The following FAM98A variants were observed in gnomAD, a reference collection of about 807,000 sequenced individuals.
The protein encoded by FAM98A is tRNA splicing ligase complex subunit 3A.
Under a neutral mutation model 62.9 loss-of-function variants are expected in FAM98A, and 25 were observed. That is an observed-to-expected ratio of 0.40 (90% CI 0.29 to 0.56). The LOEUF (loss-of-function observed/expected upper bound fraction) is 0.56. FAM98A is among the 20% of genes least tolerant of loss of function. The pLI is 0.51. For synonymous variants in FAM98A, 252 were observed against 228.6 expected (o/e 1.10, Z -0.92); for missense variants, 653 against 640.7 (o/e 1.02, Z -0.21).
At position 33,585,096 on chromosome 2, in the gene FAM98A, G is replaced by T. The variant is rs748538026; in HGVS notation, c.1237C>A (p.His413Asn). ...GFQPGGYHGG[H>N]SSGGYQGGGY... ...CCGCCTTGATAGCCACCACTGCTGT[G>T]GCCACCATGATAGCCACCTGGCTGG... The change falls in exon 8 of 8, where the codon CAC (histidine) becomes AAC (asparagine). Residue 413 changes from histidine to asparagine, a missense_variant. His to Asn is a moderately conservative substitution (Grantham distance 68). Transcript: ENST00000238823. The T allele has an allele frequency of 6.2e-7, 1 of 1,614,102 alleles. No homozygotes were observed. The highest frequency in any genetic ancestry group is 2.2e-5 in the East Asian group (1 of 44,880).
At position 33,584,312 on chromosome 2, in the gene FAM98A, C is replaced by T. The variant is rs1394851374; in HGVS notation, c.*464G>A. ...AAGTCAACCGGGGGGCAGAACTGTGCTTGGAAAATAGGCATTGGAATACTT... is the reference window on the plus strand; with the variant it reads ...AAGTCAACCGGGGGGCAGAACTGTGTTTGGAAAATAGGCATTGGAATACTT... On this transcript the variant is annotated 3_prime_UTR_variant, in exon 8 of 8. Coordinates refer to ENST00000238823, the MANE Select transcript of FAM98A (RefSeq NM_015475.5). 6.3e-6 allele frequency: 1 copy of T among 159,686 alleles called. No individual in the cohort carries two copies. Among genetic ancestry groups the T allele is most frequent in the Non-Finnish European group, 1.4e-5 (1 of 72,274 alleles). 9.9% of individuals were successfully genotyped at this position (159,686 alleles called of 1,614,324 possible).
At position 33,599,222 on chromosome 2, in the gene FAM98A, G is replaced by A. The variant is rs755373098; in HGVS notation, c.-1C>T. ...CAGTCTCCATGAGGTCACACTCCAT[G>A]CTACTGTGGTATTCAAATTTCCGAG... is the stretch of plus-strand genomic sequence containing the variant. On this transcript the variant is annotated 5_prime_UTR_variant, in exon 1 of 8. Coordinates refer to ENST00000238823, the MANE Select transcript of FAM98A (RefSeq NM_015475.5). 6 of 1,613,438 alleles carry A rather than the reference G, an allele frequency of 3.7e-6. No homozygotes were observed. The highest frequency in any genetic ancestry group is 5.1e-6 in the Non-Finnish European group (6 of 1,179,310).
chr2:33,593,686 G>A (rs1042433900), intron 2 of FAM98A, among the ~76,000 whole-genome samples: 13 of 152,188 alleles, frequency 8.5e-5, no homozygotes, highest in African/African-American at 2.9e-4. Flanking sequence ...TGTAATACAG[G>A]AAGCCTACAT....
Position 33,585,144 on chromosome 2 carries a change from C to T in FAM98A, c.1189G>A (p.Gly397Ser). The T allele has an allele frequency of 6.2e-7, 1 of 1,614,188 alleles. No individual in the cohort carries two copies. Among genetic ancestry groups the T allele is most frequent in the Non-Finnish European group, 8.5e-7 (1 of 1,180,034 alleles). ...GSGGGGGYQD[G>S]GYRDSGFQPG... ...TGGAAACCTGAATCTCGATAACCAC[C>T]ATCTTGGTAGCCACCTCCTCCACCA... is the stretch of plus-strand genomic sequence containing the variant. Residue 397 changes from glycine (G) to serine (S), a missense_variant, in exon 8 of 8, where the codon GGT (glycine) becomes AGT (serine). By Grantham distance (56) the Gly-to-Ser change is moderately conservative. Coordinates refer to ENST00000238823, the MANE Select transcript of FAM98A (RefSeq NM_015475.5).
intron 1 of FAM98A, among the ~76,000 whole-genome samples, chr2:33,598,181 G>GT (rs1677857061): frequency 6.6e-6 from 1 of 152,192 alleles, no homozygotes; most frequent in African/African-American, 2.4e-5. Context: ...TCCTCAAGGT[G>GT]TTTTTTCCTA....
intron 2 of FAM98A, among the ~76,000 whole-genome samples, chr2:33,594,315 G>GA (rs980945085): frequency 8.6e-5 from 13 of 150,812 alleles, no homozygotes; most frequent in African/African-American, 2.9e-4. Context: ...CACAGGAACA[G>GA]AAAAAAAACA....
At position 33,587,290 on chromosome 2, in the gene FAM98A, T is replaced by G. The variant is rs1351718000; in HGVS notation, c.553A>C (p.Asn185His). The G allele has an allele frequency of 3.1e-6, 5 of 1,613,328 alleles. No individual in the cohort carries two copies. The African/African-American group carries it at 6.7e-5, about 22-fold the overall frequency. ...LKETLAKVPP[N>H]HVGKPLLKKP... Reference sequence around the variant, plus strand: ...TTCAGTAAAGGCTTTCCCACATGATTAGGTGGAACTTTTGCTAATGTTTCC... The same window carrying G: ...TTCAGTAAAGGCTTTCCCACATGATGAGGTGGAACTTTTGCTAATGTTTCC... The change falls in exon 5 of 8, where the codon AAT becomes CAT. Residue 185 changes from asparagine to histidine, a missense_variant. Transcript: ENST00000238823.
At chr2:33,586,223 T>C (rs1002840304) in intron 6 of FAM98A, among the ~76,000 whole-genome samples, 8 of 152,212 alleles carry the variant, frequency 5.3e-5, no homozygotes, top group African/African-American at 1.9e-4. Flanking sequence ...ATTTCTAACT[T>C]CTATTAGCAA....
chr2:33,595,649 G>C lies in FAM98A; in HGVS notation c.54-12C>G, dbSNP rs751210762. On this transcript the variant is annotated splice_polypyrimidine_tract_variant and intron_variant, in intron 1 of 7. Transcript: ENST00000238823. The stretch of plus-strand genomic sequence containing the variant: ...ATGGGCCCTTGTAACTGGTGAGCAA[G>C]AAATTACATTTCAGAAGAAAATACA... The C allele has an allele frequency of 1.9e-6, 3 of 1,558,480 alleles. No individual in the cohort carries two copies. Among genetic ancestry groups the C allele is most frequent in the African/African-American group, 2.8e-5 (2 of 71,010 alleles).
intron 1 of FAM98A, among the ~76,000 whole-genome samples, chr2:33,598,407 G>C (rs938857803): frequency 6.6e-6 from 1 of 152,186 alleles, no homozygotes; most frequent in African/African-American, 2.4e-5. Context: ...ACTGATCTGG[G>C]TGACCCAGTG....
intron 3 of FAM98A, among the ~76,000 whole-genome samples, chr2:33,590,425 G>C (rs948766800): frequency 5.3e-5 from 8 of 152,130 alleles, no homozygotes; most frequent in Admixed American, 1.3e-4. Context: ...ATAGCATCCA[G>C]ATGTGACAAC....
chr2:33,595,630 C>A lies in FAM98A; in HGVS notation c.61G>T (p.Gly21Cys). 1 of 1,567,676 alleles carries A rather than the reference C, an allele frequency of 6.4e-7. No homozygotes were observed. Among genetic ancestry groups the A allele is most frequent in the Admixed American group, 2.1e-5 (1 of 48,040 alleles). Residue 21 changes from glycine (G) to cysteine (C), a missense_variant, in exon 2 of 8, where the codon GGC (glycine) becomes TGC (cysteine). Gly to Cys is a radical substitution (Grantham distance 159). Transcript: ENST00000238823. The stretch of plus-strand genomic sequence containing the variant: ...AGCGCTCCATCTTCCAACAATGGGC[C>A]CTTGTAACTGGTGAGCAAGAAATTA... ...LESLEDLGYK[G>C]PLLEDGALSQ...
intron 2 of FAM98A, 46 bp downstream of exon 2, chr2:33,595,443 C>G: frequency 1.3e-6 from 2 of 1,511,218 alleles, no homozygotes; most frequent in Non-Finnish European, 1.8e-6. Context: ...GACAATACCT[C>G]AATGTTATTT....
intron 2 of FAM98A, among the ~76,000 whole-genome samples, chr2:33,595,019 G>A (rs1262574451): frequency 5.3e-5 from 8 of 152,164 alleles, no homozygotes; most frequent in Admixed American, 5.2e-4. Flanking sequence ...ATCTAACGAT[G>A]CATTCTTATG....
At chr2:33,586,973 A>G (rs1276598155) in intron 5 of FAM98A, 1 of 520,164 alleles carries the variant, frequency 1.9e-6, no homozygotes, top group Non-Finnish European at 3.4e-6. Context: ...CCATTTGGCA[A>G]CGAGAAACAT....
Position 33,585,562 on chromosome 2 carries a change from T to C in FAM98A, c.856A>G (p.Ile286Val), listed in dbSNP as rs763202074. ...SKILRTSSGS[I>V]REKTACAINK... ...ATGGCACAGGCAGTCTTTTCTCTTA[T>C]AGAGCCGCTGCTTGTCCTTAAAATC... Residue 286 changes from isoleucine to valine, a missense_variant, in exon 7 of 8, where the codon ATA becomes GTA. By Grantham distance (29) the Ile-to-Val change is conservative (BLOSUM62 3). Coordinates refer to ENST00000238823, the MANE Select transcript of FAM98A (RefSeq NM_015475.5). The C allele has an allele frequency of 5.6e-5, 91 of 1,614,090 alleles. 1 individual carries two copies. The highest frequency in any genetic ancestry group is 5.2e-4 in the South Asian group (47 of 91,080).
chr2:33,592,281 A>C (rs1461889217), intron 2 of FAM98A, 67 bp from the exon 3 acceptor site: 2 of 1,254,296 alleles, frequency 1.6e-6, no homozygotes, highest in African/African-American at 3.0e-5. Context: ...AACAATTATT[A>C]TATATAATTG....
At chr2:33,590,851 C>G (rs1014806862) in intron 3 of FAM98A, among the ~76,000 whole-genome samples, 5 of 152,130 alleles carry the variant, frequency 3.3e-5, no homozygotes, top group African/African-American at 9.7e-5. Flanking sequence ...AAACTCTGAG[C>G]TCTTTGGAAG....
At chr2:33,588,548 T>G (rs1362886401) in intron 3 of FAM98A, 29 bp from the exon 4 acceptor site, 1 of 1,586,240 alleles carries the variant, frequency 6.3e-7, no homozygotes, top group Non-Finnish European at 8.6e-7. Context: ...GATTTCAAAA[T>G]GAGATACAGC....
Sources: allele counts gnomAD v4.1 joint callset (sites outside exome capture counted in the v4.1 genomes callset), GRCh38; gene constraint gnomAD v4.1.1; transcripts MANE v1.5; gene names NCBI Gene and HGNC (gene_info 2026-07-23, HGNC 2026-07-21).